Variants in TBC1D22A observed in about 807,000 individuals in gnomAD.
TBC1D22A encodes TBC1 domain family member 22A.
TBC1D22A carries 38 observed loss-of-function variants against 60.2 expected under a neutral mutation model. That is an observed-to-expected ratio of 0.63 (90% CI 0.49 to 0.83). TBC1D22A has a LOEUF of 0.83. TBC1D22A is among the 40% of genes least tolerant of loss of function. The pLI, the probability that TBC1D22A is intolerant of heterozygous loss-of-function variation, is 0.00. For missense variants in TBC1D22A, 628 were observed against 701.0 expected, an observed-to-expected ratio of 0.90 and a Z score of 1.18; for synonymous variants, 302 against 281.7, an observed-to-expected ratio of 1.07 and a Z score of -0.72.
intron 7 of TBC1D22A, among the ~76,000 whole-genome samples, chr22:46,896,742 C>T (rs2068699494): frequency 6.6e-6 from 1 of 152,168 alleles, no homozygotes; most frequent in African/African-American, 2.4e-5. Context: ...TGACGTCCTC[C>T]TACCTGGTGG....
chr22:47,146,072 T>C (rs2067274130), intron 12 of TBC1D22A, among the ~76,000 whole-genome samples: 1 of 151,514 alleles, frequency 6.6e-6, no homozygotes, highest in Admixed American at 6.6e-5. Flanking sequence ...TCCCGTGCTG[T>C]TCCTTAAAGC....
At chr22:46,891,076 T>TTA (rs1184121991) in intron 5 of TBC1D22A, among the ~76,000 whole-genome samples, 190 bp from the exon 6 acceptor site, 1 of 150,632 alleles carries the variant, frequency 6.6e-6, no homozygotes, top group Non-Finnish European at 1.5e-5. Context: ...GGAGTGGTGC[T>TTA]TGCATTGTGT....
intron 8 of TBC1D22A, among the ~76,000 whole-genome samples, chr22:46,941,400 C>CGGAATATATAT (rs1341560249): frequency 8.6e-5 from 6 of 69,732 alleles, no homozygotes; most frequent in African/African-American, 1.5e-4. Flanking sequence ...AATATATATA[C>CGGAATATATAT]ACAGAATATA....
At chr22:46,999,079 G>C (rs1429832671) in intron 10 of TBC1D22A, among the ~76,000 whole-genome samples, 2 of 152,216 alleles carry the variant, frequency 1.3e-5, no homozygotes, top group Non-Finnish European at 1.5e-5. Context: ...TTTTCCGCTT[G>C]TGTCCCTTGG....
intron 12 of TBC1D22A, among the ~76,000 whole-genome samples, chr22:47,168,519 C>T (rs893246752): frequency 3.3e-5 from 5 of 152,192 alleles, no homozygotes; most frequent in Non-Finnish European, 5.9e-5. Context: ...CTGCAGTGCT[C>T]GTGGGGTCAG....
chr22:47,152,320 C>A (rs1039943634), intron 12 of TBC1D22A, among the ~76,000 whole-genome samples: 1 of 152,160 alleles, frequency 6.6e-6, no homozygotes, highest in African/African-American at 2.4e-5. Context: ...GGTGAGAAAC[C>A]ACCGCAGCCT....
At chr22:46,997,770 G>A (rs999733151) in intron 10 of TBC1D22A, 61 bp downstream of exon 10, 20 of 1,500,932 alleles carry the variant, frequency 1.3e-5, no homozygotes, top group East Asian at 2.3e-5. Context: ...CTCAGCCCTC[G>A]GTGGGACAGG....
intron 11 of TBC1D22A, among the ~76,000 whole-genome samples, chr22:47,057,300 C>G (rs1029745517): frequency 2.0e-5 from 3 of 152,218 alleles, no homozygotes; most frequent in African/African-American, 7.2e-5. Flanking sequence ...TCCACGGGAG[C>G]AGAAGTTCTT....
At chr22:47,125,563 G>A (rs1014020614) in intron 12 of TBC1D22A, among the ~76,000 whole-genome samples, 2 of 152,238 alleles carry the variant, frequency 1.3e-5, no homozygotes, top group Non-Finnish European at 2.9e-5. Flanking sequence ...CTTTCTTCCT[G>A]GAGGAAATGA....
intron 8 of TBC1D22A, among the ~76,000 whole-genome samples, chr22:46,973,721 T>G (rs184039106): frequency 2.8e-4 from 43 of 152,346 alleles, no homozygotes; most frequent in African/African-American, 1.0e-3. Context: ...ACTTTTAGAT[T>G]GTGTTTTCTC....
chr22:47,130,309 C>T (rs1014304452), intron 12 of TBC1D22A, among the ~76,000 whole-genome samples: 1 of 152,174 alleles, frequency 6.6e-6, no homozygotes, highest in Non-Finnish European at 1.5e-5. Flanking sequence ...CTCCTCAGGA[C>T]ACCCCCTCCT....
rs910544 is a variant in TBC1D22A, at chr22:47,172,805, G to A, written c.1426-693G>A. On this transcript the variant is annotated intron_variant, in intron 12 of 12. Coordinates refer to ENST00000337137, the MANE Select transcript of TBC1D22A (RefSeq NM_014346.5). ...CCTAGACCTGAAGCTGGGTTTGGTG[G>A]AGCCCTGCACCCCAACCCACTGGTG... 5.3e-5 allele frequency among the ~76,000 whole-genome samples: 8 copies of A among 152,052 alleles called. No homozygotes were observed. In the East Asian group the frequency reaches 1.2e-3, roughly 22 times the overall value.
At chr22:47,040,752 G>A (rs1352026689) in intron 11 of TBC1D22A, among the ~76,000 whole-genome samples, 1 of 152,142 alleles carries the variant, frequency 6.6e-6, no homozygotes, top group Non-Finnish European at 1.5e-5. Flanking sequence ...GAATGAAAAA[G>A]AACAACAGGT....
At chr22:46,786,327 GTTAT>G (rs747080519) in intron 1 of TBC1D22A, among the ~76,000 whole-genome samples, 2 of 151,966 alleles carry the variant, frequency 1.3e-5, no homozygotes, top group South Asian at 4.1e-4. Context: ...TTGATTTTTG[GTTAT>G]TAAACCAACC....
intron 8 of TBC1D22A, among the ~76,000 whole-genome samples, chr22:46,930,982 G>A (rs1376583767): frequency 6.6e-6 from 1 of 152,158 alleles, no homozygotes. Flanking sequence ...GCTGCTCTTA[G>A]TTTAGAAGAA....
intron 4 of TBC1D22A, among the ~76,000 whole-genome samples, chr22:46,820,911 G>A (rs949883893): frequency 3.9e-5 from 6 of 152,184 alleles, no homozygotes; most frequent in African/African-American, 1.4e-4. Flanking sequence ...TGGTGCTGCT[G>A]TATTGGTTGC....
At chr22:47,082,149 C>T (rs996618527) in intron 11 of TBC1D22A, among the ~76,000 whole-genome samples, 2 of 152,000 alleles carry the variant, frequency 1.3e-5, no homozygotes, top group Non-Finnish European at 2.9e-5. Flanking sequence ...CAGAGCAAGG[C>T]TCCATCTCAA....
intron 7 of TBC1D22A, among the ~76,000 whole-genome samples, chr22:46,900,482 C>A (rs1445971686): frequency 9.2e-5 from 14 of 152,106 alleles, no homozygotes; most frequent in Non-Finnish European, 1.8e-4. Context: ...GTACCAGCTC[C>A]CTAATATGTG....
chr22:47,163,861 C>T (rs569121813), intron 12 of TBC1D22A, among the ~76,000 whole-genome samples: 1 of 152,204 alleles, frequency 6.6e-6, no homozygotes, highest in Non-Finnish European at 1.5e-5. Context: ...AGCACTGGGA[C>T]GCCAAGAGTC....
Sources: allele counts gnomAD v4.1 joint callset (sites outside exome capture counted in the v4.1 genomes callset), GRCh38; gene constraint gnomAD v4.1.1; transcripts MANE v1.5; gene names NCBI Gene and HGNC (gene_info 2026-07-23, HGNC 2026-07-21).